The following PTPRD variants were observed in gnomAD, a reference collection of about 807,000 sequenced individuals.
PTPRD encodes the protein protein tyrosine phosphatase receptor type D.
A neutral mutation model predicts 214.5 loss-of-function variants in PTPRD; 34 were observed. The observed-to-expected ratio is 0.16, with a 90% CI of 0.12 to 0.21. The LOEUF (loss-of-function observed/expected upper bound fraction) is 0.21. Among genes scored for constraint, PTPRD ranks in the 10% least tolerant of loss-of-function variants. The pLI, the probability that PTPRD is intolerant of heterozygous loss-of-function variation, is 1.00. For synonymous variants in PTPRD, 1,128 were observed against 845.7 expected (o/e 1.33, Z -5.79); for missense variants, 2,545 against 2,398.7 (o/e 1.06, Z -1.27).
At chr9:10,081,470 A>G (rs1048888504) in intron 3 of PTPRD, among the ~76,000 whole-genome samples, 4 of 151,996 alleles carry the variant, frequency 2.6e-5, no homozygotes, top group African/African-American at 9.7e-5. Flanking sequence ...GGTGGAGCCC[A>G]CGTAACTGGA....
intron 10 of PTPRD, among the ~76,000 whole-genome samples, chr9:9,031,011 C>G (rs1006462874): frequency 6.6e-6 from 1 of 151,686 alleles, no homozygotes; most frequent in African/African-American, 2.4e-5. Flanking sequence ...GGTGGGACAT[C>G]AAGGAGTGAA....
At chr9:9,621,479 G>A (rs1003472457) in intron 7 of PTPRD, among the ~76,000 whole-genome samples, 1 of 152,136 alleles carries the variant, frequency 6.6e-6, no homozygotes, top group African/African-American at 2.4e-5. Context: ...AATGGAGTCA[G>A]ACTCTGGAAT....
chr9:10,287,194 T>C (rs2095385136), intron 3 of PTPRD, among the ~76,000 whole-genome samples: 1 of 152,090 alleles, frequency 6.6e-6, no homozygotes, highest in Admixed American at 6.5e-5. Flanking sequence ...AAGGTAAAAA[T>C]TGACAAGGGT....
At chr9:9,734,238 C>T (rs562003099) in intron 7 of PTPRD, among the ~76,000 whole-genome samples, 13 of 152,196 alleles carry the variant, frequency 8.5e-5, no homozygotes, top group South Asian at 8.3e-4. Context: ...TGTCCTATCA[C>T]GAACTCTTTC....
chr9:10,214,429 ATTT>A (rs35115543), intron 3 of PTPRD, among the ~76,000 whole-genome samples: 159 of 120,716 alleles, frequency 1.3e-3, no homozygotes, highest in Admixed American at 3.2e-3. Flanking sequence ...AAGCCCAACT[ATTT>A]TTTTTTTTTT....
intron 5 of PTPRD, among the ~76,000 whole-genome samples, chr9:9,771,806 CT>C (rs2098754068): frequency 6.6e-6 from 1 of 152,064 alleles, no homozygotes; most frequent in African/African-American, 2.4e-5. Context: ...AATCCAATGT[CT>C]TTGTATCTGC....
In PTPRD at chr9:9,386,475, G is replaced by A. The variant is rs183023559; in HGVS notation, c.-203+10974C>T. Among the ~76,000 whole-genome samples the A allele has an allele frequency of 1.5e-3, 227 of 152,224 alleles. 1 individual carries two copies. Among genetic ancestry groups the A allele is most frequent in the African/African-American group, 5.1e-3 (211 of 41,542 alleles). ...AATGGTGGTTGCATTAGCCTTTCTG[G>A]AAGCTTCAACAGGGCAGTGGTGAGA... On this transcript the variant is annotated intron_variant, in intron 9 of 45. Transcript: ENST00000381196.
chr9:10,475,717 C>G (rs918153263), intron 2 of PTPRD, among the ~76,000 whole-genome samples: 1 of 151,984 alleles, frequency 6.6e-6, no homozygotes, highest in Non-Finnish European at 1.5e-5. Flanking sequence ...TAACATGATG[C>G]AAAAATTCTC....
At chr9:9,922,789 G>T (rs1237644368) in intron 5 of PTPRD, among the ~76,000 whole-genome samples, 1 of 151,882 alleles carries the variant, frequency 6.6e-6, no homozygotes, top group South Asian at 2.1e-4. Context: ...TTAAAAAATG[G>T]TATTGTCGTG....
intron 9 of PTPRD, among the ~76,000 whole-genome samples, chr9:9,311,581 C>T (rs1338148909): frequency 2.0e-5 from 3 of 152,148 alleles, no homozygotes; most frequent in African/African-American, 7.2e-5. Context: ...TATCATTTTG[C>T]TTAAGGAGAA....
At chr9:8,487,034 A>C (rs1239236978) in intron 27 of PTPRD, among the ~76,000 whole-genome samples, 1 of 152,180 alleles carries the variant, frequency 6.6e-6, no homozygotes, top group Non-Finnish European at 1.5e-5. Flanking sequence ...GTATTGACTT[A>C]CTATGAATTT....
intron 2 of PTPRD, among the ~76,000 whole-genome samples, chr9:10,505,778 G>A (rs1030021862): frequency 6.6e-6 from 1 of 151,736 alleles, no homozygotes; most frequent in Non-Finnish European, 1.5e-5. Flanking sequence ...TTGCTATTGA[G>A]GAAAAAGCAT....
At chr9:10,470,645 A>T (rs933128552) in intron 2 of PTPRD, among the ~76,000 whole-genome samples, 1 of 152,170 alleles carries the variant, frequency 6.6e-6, no homozygotes, top group South Asian at 2.1e-4. Flanking sequence ...ATTTAACAAC[A>T]TTTTTGGCTT....
chr9:8,913,461 C>T (rs1030139976), intron 11 of PTPRD, among the ~76,000 whole-genome samples: 4 of 151,958 alleles, frequency 2.6e-5, no homozygotes, highest in Admixed American at 1.3e-4. Flanking sequence ...TATCAAGCCT[C>T]AAAAATCAAG....
intron 39 of PTPRD, among the ~76,000 whole-genome samples, chr9:8,373,838 A>ATG (rs2082302434): frequency 9.9e-6 from 1 of 101,256 alleles, no homozygotes; most frequent in Non-Finnish European, 2.1e-5. Context: ...GTATGTATGT[A>ATG]TGTATGTATG....
At chr9:8,959,335 C>T (rs965748813) in intron 11 of PTPRD, among the ~76,000 whole-genome samples, 1 of 151,934 alleles carries the variant, frequency 6.6e-6, no homozygotes, top group Non-Finnish European at 1.5e-5. Flanking sequence ...CTCTGAGAAA[C>T]TGACTTTTAC....
chr9:9,769,226 A>G (rs2098731568), intron 5 of PTPRD, among the ~76,000 whole-genome samples: 1 of 151,800 alleles, frequency 6.6e-6, no homozygotes, highest in Non-Finnish European at 1.5e-5. Flanking sequence ...TTTGTAAACT[A>G]CATTTTAACC....
intron 8 of PTPRD, among the ~76,000 whole-genome samples, chr9:9,523,667 AT>A (rs906489634): frequency 5.9e-5 from 9 of 152,028 alleles, no homozygotes; most frequent in African/African-American, 2.2e-4. Context: ...AGTTCGACTC[AT>A]TTACTTGAGG....
chr9:10,520,483 G>C (rs1373574575), intron 2 of PTPRD, among the ~76,000 whole-genome samples: 1 of 152,238 alleles, frequency 6.6e-6, no homozygotes, highest in Non-Finnish European at 1.5e-5. Context: ...AGCAAGTGCT[G>C]ATGTAGAAGC....
Sources: allele counts gnomAD v4.1 joint callset (sites outside exome capture counted in the v4.1 genomes callset), GRCh38; gene constraint gnomAD v4.1.1; transcripts MANE v1.5; gene names NCBI Gene and HGNC (gene_info 2026-07-23, HGNC 2026-07-21).